The following GRID2 variants were observed in gnomAD, a reference collection of about 807,000 sequenced individuals.
GRID2 encodes glutamate receptor ionotropic, delta-2.
Under a neutral mutation model 114.8 loss-of-function variants are expected in GRID2, and 33 were observed. That is an observed-to-expected ratio of 0.29 (90% confidence interval 0.22 to 0.38). The LOEUF (loss-of-function observed/expected upper bound fraction) is 0.38. Among genes scored for constraint, GRID2 ranks in the 10% least tolerant of loss-of-function variants. GRID2 has a pLI of 1.00. For missense variants in GRID2, 1,184 were observed against 1,257.7 expected, an observed-to-expected ratio of 0.94 and a Z score of 0.89; for synonymous variants, 505 against 449.9, an observed-to-expected ratio of 1.12 and a Z score of -1.55.
At chr4:93,416,272 G>GT (rs1560597333) in intron 9 of GRID2, among the ~76,000 whole-genome samples, 1 of 151,846 alleles carries the variant, frequency 6.6e-6, no homozygotes, top group Non-Finnish European at 1.5e-5. Context: ...AAAAAGTGAG[G>GT]TTTTTCCAAG....
intron 1 of GRID2, among the ~76,000 whole-genome samples, chr4:92,364,211 CTGCT>C (rs1728747668): frequency 6.6e-6 from 1 of 152,072 alleles, no homozygotes; most frequent in Admixed American, 6.6e-5. Flanking sequence ...ATTTTAAACA[CTGCT>C]TGTAGCCTCT....
chr4:92,665,789 G>A (rs1157842433), intron 2 of GRID2, among the ~76,000 whole-genome samples: 1 of 150,652 alleles, frequency 6.6e-6, no homozygotes, highest in Admixed American at 6.6e-5. Flanking sequence ...GAAATCTACT[G>A]ATAGTCTCAT....
At chr4:93,282,802 T>A (rs1434442601) in intron 8 of GRID2, among the ~76,000 whole-genome samples, 1 of 151,990 alleles carries the variant, frequency 6.6e-6, no homozygotes, top group Non-Finnish European at 1.5e-5. Context: ...TACAGGCCCC[T>A]CACCTGCTTT....
chr4:92,869,810 TC>T (rs1745143094), intron 2 of GRID2, among the ~76,000 whole-genome samples: 1 of 152,178 alleles, frequency 6.6e-6, no homozygotes, highest in South Asian at 2.1e-4. Context: ...GTCTTTCTCA[TC>T]ATTCAAGTCT....
At chr4:92,823,867 G>T (rs539250151) in intron 2 of GRID2, among the ~76,000 whole-genome samples, 44 of 152,240 alleles carry the variant, frequency 2.9e-4, no homozygotes, top group African/African-American at 9.6e-4. Context: ...TGCCTGACAG[G>T]TCGAACTGTT....
At chr4:92,895,531 A>G (rs954214786) in intron 2 of GRID2, among the ~76,000 whole-genome samples, 1 of 151,752 alleles carries the variant, frequency 6.6e-6, no homozygotes, top group Non-Finnish European at 1.5e-5. Context: ...ATTTTCAGGT[A>G]GACCGAATTG....
chr4:93,488,865 C>G (rs1056287192), intron 11 of GRID2, among the ~76,000 whole-genome samples: 1 of 151,898 alleles, frequency 6.6e-6, no homozygotes, highest in African/African-American at 2.4e-5. Flanking sequence ...CTGATAAGGA[C>G]ACCAGTCATA....
chr4:92,455,161 T>G (rs1422795211), intron 1 of GRID2, among the ~76,000 whole-genome samples: 1 of 152,188 alleles, frequency 6.6e-6, no homozygotes, highest in Non-Finnish European at 1.5e-5. Flanking sequence ...CACTAGAATT[T>G]ATGTGAAATA....
chr4:93,025,569 T>C (rs1578784541), intron 2 of GRID2, among the ~76,000 whole-genome samples: 1 of 151,938 alleles, frequency 6.6e-6, no homozygotes, highest in African/African-American at 2.4e-5. Context: ...AGAATTTTTA[T>C]GTAGATTATT....
At chr4:93,241,905 T>G (rs2149517438) in intron 8 of GRID2, among the ~76,000 whole-genome samples, 1 of 151,544 alleles carries the variant, frequency 6.6e-6, no homozygotes, top group South Asian at 2.1e-4. Context: ...TATATTTGAA[T>G]GCTCACAGAC....
At chr4:92,523,232 G>A (rs533143230) in intron 1 of GRID2, among the ~76,000 whole-genome samples, 5 of 151,916 alleles carry the variant, frequency 3.3e-5, no homozygotes, top group Non-Finnish European at 7.4e-5. Context: ...AAATGTAAAT[G>A]TCATTATCTG....
intron 2 of GRID2, among the ~76,000 whole-genome samples, chr4:92,663,723 TCAC>T (rs987851653): frequency 6.6e-6 from 1 of 151,142 alleles, no homozygotes; most frequent in African/African-American, 2.4e-5. Flanking sequence ...TGTGCATCCA[TCAC>T]CACCATCTGT....
chr4:92,429,253 C>G (rs915886102), intron 1 of GRID2, among the ~76,000 whole-genome samples: 3 of 152,140 alleles, frequency 2.0e-5, no homozygotes, highest in African/African-American at 7.2e-5. Flanking sequence ...ATTCAAATAT[C>G]CAATATCCCA....
chr4:93,551,355 G>GA, intron 13 of GRID2, among the ~76,000 whole-genome samples: 1 of 152,134 alleles, frequency 6.6e-6, no homozygotes, highest in Non-Finnish European at 1.5e-5. Flanking sequence ...GGCAGCATTT[G>GA]AAAAAACCTG....
chr4:92,610,934 T>C (rs991386717), intron 2 of GRID2, among the ~76,000 whole-genome samples: 1 of 151,746 alleles, frequency 6.6e-6, no homozygotes, highest in Non-Finnish European at 1.5e-5. Flanking sequence ...GATATATCAT[T>C]TTGTTTTTCC....
intron 14 of GRID2, among the ~76,000 whole-genome samples, chr4:93,711,344 G>A (rs886286087): frequency 1.3e-5 from 2 of 152,104 alleles, no homozygotes; most frequent in Non-Finnish European, 2.9e-5. Flanking sequence ...TTCCCTTCTG[G>A]CTCAGGGTAT....
rs569297737 is a variant in GRID2 at position 92,994,719 on chromosome 4, C to G, written c.245-90276C>G. On this transcript the variant is annotated intron_variant, in intron 2 of 15. Coordinates refer to ENST00000282020, the MANE Select transcript of GRID2 (RefSeq NM_001510.4). ...TATAGAACTGGGACCCCAAATTGAT[C>G]AATAACTCAAGTTGATGAAAGGCCA... 2.5e-3 allele frequency among the ~76,000 whole-genome samples: 374 copies of G among 152,246 alleles called. 2 individuals carry two copies. The highest frequency in any genetic ancestry group is 4.5e-3 in the Non-Finnish European group (308 of 68,016).
chr4:93,187,860 A>C (rs1200790478), intron 4 of GRID2, among the ~76,000 whole-genome samples: 1 of 152,246 alleles, frequency 6.6e-6, no homozygotes, highest in African/African-American at 2.4e-5. Context: ...AAACAACATT[A>C]AATCTCAAGG....
intron 10 of GRID2, among the ~76,000 whole-genome samples, chr4:93,424,367 G>A (rs757673889): frequency 2.0e-5 from 3 of 152,046 alleles, no homozygotes; most frequent in Non-Finnish European, 4.4e-5. Context: ...GCAGGGCTAC[G>A]TAGGTAGCAT....
Sources: gnomAD v4.1 joint callset for allele counts (sites outside exome capture counted in the v4.1 genomes callset) on GRCh38, gnomAD v4.1.1 for gene constraint, MANE v1.5 for transcripts, NCBI Gene and HGNC (gene_info 2026-07-23, HGNC 2026-07-21) for gene names.